Variants in CDH4 observed in about 807,000 individuals in gnomAD.
CDH4 encodes cadherin 4.
CDH4 carries 33 observed loss-of-function variants against 86.0 expected under a neutral mutation model. The ratio of observed to expected loss-of-function variants is 0.38; its 90% CI spans 0.29 to 0.51. The LOEUF (loss-of-function observed/expected upper bound fraction) is 0.51. Ranked by LOEUF, CDH4 falls within the 20% of genes least tolerant of loss-of-function variation. The probability of loss-of-function intolerance (pLI) is 0.86; values close to 1 mark genes in which losing one functional copy is unlikely to be tolerated. For missense variants in CDH4, 1,114 were observed against 1,307.4 expected (o/e 0.85, Z 2.28); for synonymous variants, 555 against 549.4 (o/e 1.01, Z -0.14).
At chr20:61,521,023 G>A (rs895168132) in intron 2 of CDH4, among the ~76,000 whole-genome samples, 6 of 152,156 alleles carry the variant, frequency 3.9e-5, no homozygotes, top group African/African-American at 1.2e-4. Context: ...CTGCAGGGGG[G>A]CCCGCACCCA....
intron 2 of CDH4, among the ~76,000 whole-genome samples, chr20:61,513,047 G>A (rs373839241): frequency 6.6e-6 from 1 of 152,280 alleles, no homozygotes; most frequent in South Asian, 2.1e-4. Context: ...TATGAAGGAG[G>A]CCGTGCTGTC....
At chr20:61,596,636 A>G (rs371465164) in intron 2 of CDH4, among the ~76,000 whole-genome samples, 7 of 152,330 alleles carry the variant, frequency 4.6e-5, no homozygotes, top group African/African-American at 1.7e-4. Context: ...CACATCTTGA[A>G]CACCAGCTCT....
intron 4 of CDH4, among the ~76,000 whole-genome samples, chr20:61,776,559 C>A (rs79713164): frequency 6.6e-6 from 1 of 152,222 alleles, no homozygotes; most frequent in Non-Finnish European, 1.5e-5. Context: ...GCAGCCCCTG[C>A]AGGCAGGGTC....
At chr20:61,621,571 C>T (rs185473007) in intron 2 of CDH4, among the ~76,000 whole-genome samples, 2 of 152,236 alleles carry the variant, frequency 1.3e-5, no homozygotes, top group African/African-American at 2.4e-5. Flanking sequence ...CGTCCTTCTC[C>T]GGGAGAACAT....
intron 2 of CDH4, among the ~76,000 whole-genome samples, chr20:61,702,003 G>T (rs927306814): frequency 1.1e-4 from 16 of 152,328 alleles, no homozygotes; most frequent in African/African-American, 3.8e-4. Flanking sequence ...CCGGGAGGAA[G>T]AGCCTAGACC....
chr20:61,839,327 C>T (rs778578253), intron 4 of CDH4, among the ~76,000 whole-genome samples: 19 of 151,072 alleles, frequency 1.3e-4, no homozygotes, highest in Non-Finnish European at 2.4e-4. Context: ...TGTGTGTGTT[C>T]GTGCGTATGC....
chr20:61,373,427 T>C (rs758409637), intron 2 of CDH4, among the ~76,000 whole-genome samples: 2 of 152,246 alleles, frequency 1.3e-5, no homozygotes, highest in Non-Finnish European at 2.9e-5. Flanking sequence ...AAGACCCTTT[T>C]ATTGTTCTAA....
chr20:61,929,532 T>C (rs1161990483), intron 12 of CDH4, 77 bp from the exon 13 acceptor site: 3 of 1,105,702 alleles, frequency 2.7e-6, no homozygotes, highest in Non-Finnish European at 2.7e-6. Flanking sequence ...ATCGGACTTT[T>C]AGTCTTTTCC....
Position 61,939,777 on chromosome 20 carries a change from T to G in CDH4, c.*2834T>G, listed in dbSNP as rs1302971944. 1.3e-5 allele frequency: 2 copies of G among 152,152 alleles called. No homozygotes were observed. The highest frequency in any genetic ancestry group is 6.5e-5 in the Admixed American group (1 of 15,274). The allele number at this position is 152,152 out of a possible 1,614,324, so 9.4% of individuals were successfully genotyped here. ...GAGAAACCTGTGCTGCAGGTTGGAGTGGCAGGAACGACTGGCCTTGGTCAG... is the reference window on the plus strand; with the variant it reads ...GAGAAACCTGTGCTGCAGGTTGGAGGGGCAGGAACGACTGGCCTTGGTCAG... On this transcript the variant is annotated 3_prime_UTR_variant, in exon 16 of 16. Transcript: ENST00000614565.
At chr20:61,519,888 C>T (rs2085856247) in intron 2 of CDH4, among the ~76,000 whole-genome samples, 1 of 152,172 alleles carries the variant, frequency 6.6e-6, no homozygotes, top group African/African-American at 2.4e-5. Flanking sequence ...GTCATGCCCA[C>T]CTGAGACATG....
In CDH4 at chr20:61,517,112, C is replaced by T. The variant is rs139524393; in HGVS notation, c.170-226451C>T. Among the ~76,000 whole-genome samples the T allele has an allele frequency of 4.6e-5, 7 of 152,314 alleles. No homozygotes were observed. The East Asian group carries it at 5.8e-4, about 13-fold the overall frequency. ...AGCTCCCTCAGGCCCCTTGTGGCCA[C>T]GATCCCTTCACCAAAGGGTAACCAG... On this transcript the variant is annotated intron_variant, in intron 2 of 15. Transcript: ENST00000614565. This position sits in a 1 kb window ranked among gnomAD's most constrained non-coding sequence, Gnocchi z 6.6.
intron 2 of CDH4, among the ~76,000 whole-genome samples, chr20:61,326,020 T>C (rs1378715939): frequency 2.0e-5 from 3 of 152,210 alleles, no homozygotes; most frequent in Non-Finnish European, 2.9e-5. Flanking sequence ...CCTGTCCTAA[T>C]ATACCCGTGA....
At chr20:61,441,403 C>T (rs1019631373) in intron 2 of CDH4, among the ~76,000 whole-genome samples, 1 of 152,210 alleles carries the variant, frequency 6.6e-6, no homozygotes, top group African/African-American at 2.4e-5. Context: ...GGGCTCTGCT[C>T]GCTCATCGAT....
intron 8 of CDH4, among the ~76,000 whole-genome samples, chr20:61,900,718 G>C (rs963506953): frequency 6.6e-6 from 1 of 152,224 alleles, no homozygotes; most frequent in African/African-American, 2.4e-5. Flanking sequence ...TGTCCAAGCT[G>C]CATGGGAGAG....
At chr20:61,861,792 A>G (rs1465755939) in intron 6 of CDH4, among the ~76,000 whole-genome samples, 1 of 152,196 alleles carries the variant, frequency 6.6e-6, no homozygotes, top group East Asian at 1.9e-4. Context: ...TAGCATGGGC[A>G]GTTTCCTGTA....
chr20:61,875,376 C>T (rs1600728589), intron 7 of CDH4, among the ~76,000 whole-genome samples: 1 of 151,996 alleles, frequency 6.6e-6, no homozygotes, highest in African/African-American at 2.4e-5. Context: ...GCGGGGAAGG[C>T]GAGGTGGCCG....
At chr20:61,756,707 C>G (rs1476339700) in intron 3 of CDH4, among the ~76,000 whole-genome samples, 1 of 152,058 alleles carries the variant, frequency 6.6e-6, no homozygotes, top group Non-Finnish European at 1.5e-5. Context: ...CTGCATTCCT[C>G]CGTGAGTTCC....
rs183201138 is a variant in CDH4 at position 61,322,801 on chromosome 20, C to T, written c.169+67864C>T. Among the ~76,000 whole-genome samples, 533 of 152,276 alleles carry T rather than the reference C, an allele frequency of 3.5e-3. 11 individuals are homozygous for T. The highest frequency in any genetic ancestry group is 1.2e-3 in the Non-Finnish European group (80 of 68,016). Reference sequence around the variant, plus strand: ...AAAGTGACAGACTGGGGTGGGGGCCCCTGGTTCAGTTCCCAGTGGACTTGT... The same window carrying T: ...AAAGTGACAGACTGGGGTGGGGGCCTCTGGTTCAGTTCCCAGTGGACTTGT... On this transcript the variant is annotated intron_variant, in intron 2 of 15. Transcript: ENST00000614565.
At chr20:61,385,465 C>T (rs10211803) in intron 2 of CDH4, among the ~76,000 whole-genome samples, 1 of 87,030 alleles carries the variant, frequency 1.1e-5, no homozygotes, top group Admixed American at 9.5e-5. Context: ...GCCCCCCGCC[C>T]CCTTGGATTG....
Sources: allele counts gnomAD v4.1 joint callset (sites outside exome capture counted in the v4.1 genomes callset), GRCh38; gene constraint gnomAD v4.1.1; non-coding constraint Gnocchi (gnomAD v3.1); transcripts MANE v1.5; gene names NCBI Gene and HGNC (gene_info 2026-07-23, HGNC 2026-07-21).